Variants in CPED1 observed in about 807,000 individuals in gnomAD.
The protein encoded by CPED1 is cadherin like and PC-esterase domain containing 1, also known as cadherin-like and PC-esterase domain-containing protein 1.
CPED1 carries 114 observed loss-of-function variants against 128.2 expected under a neutral mutation model. That is an observed-to-expected ratio of 0.89 (90% confidence interval 0.76 to 1.04). The LOEUF (loss-of-function observed/expected upper bound fraction) is 1.04. Among genes scored for constraint, CPED1 ranks in the 50% least tolerant of loss-of-function variants. The pLI is 0.00. For missense variants in CPED1, 1,211 were observed against 1,207.1 expected (o/e 1.00, Z -0.05); for synonymous variants, 462 against 426.7 (o/e 1.08, Z -1.02).
chr7:121,282,745 A>G (rs1792487584), intron 22 of CPED1, among the ~76,000 whole-genome samples: 1 of 152,208 alleles, frequency 6.6e-6, no homozygotes, highest in South Asian at 2.1e-4. Context: ...TATTCATAAC[A>G]TGGAAACAAC....
At chr7:121,019,220 G>T (rs1245886018) in intron 3 of CPED1, among the ~76,000 whole-genome samples, 2 of 152,032 alleles carry the variant, frequency 1.3e-5, no homozygotes, top group South Asian at 4.1e-4. Flanking sequence ...AGAAGTTGAT[G>T]TCTCTATTGG....
chr7:121,149,227 G>A (rs1352497639), intron 16 of CPED1, among the ~76,000 whole-genome samples: 1 of 152,168 alleles, frequency 6.6e-6, no homozygotes, highest in African/African-American at 2.4e-5. Flanking sequence ...AGCAGCAGGT[G>A]CACGGAGACA....
At chr7:121,253,381 G>T (rs1034784867) in intron 18 of CPED1, among the ~76,000 whole-genome samples, 1 of 151,642 alleles carries the variant, frequency 6.6e-6, no homozygotes, top group Non-Finnish European at 1.5e-5. Context: ...GTTAATGGGT[G>T]CAGCACACCA....
intron 22 of CPED1, among the ~76,000 whole-genome samples, chr7:121,293,729 A>G (rs1792761663): frequency 1.3e-5 from 2 of 152,066 alleles, no homozygotes; most frequent in South Asian, 4.1e-4. Flanking sequence ...CTCATGGCAC[A>G]GTCTCTCATG....
chr7:121,085,839 T>A (rs1307004039), intron 5 of CPED1, among the ~76,000 whole-genome samples: 4 of 152,188 alleles, frequency 2.6e-5, no homozygotes, highest in Non-Finnish European at 4.4e-5. Flanking sequence ...CATTTCCTAT[T>A]TGGGGGGTTG....
intron 5 of CPED1, among the ~76,000 whole-genome samples, chr7:121,081,380 T>G (rs1031071025): frequency 4.6e-5 from 7 of 152,200 alleles, no homozygotes; most frequent in Non-Finnish European, 1.0e-4. Flanking sequence ...GATGTTTTAC[T>G]CTTTGATGGG....
At chr7:121,189,760 T>TTTTATATATA (rs1472274298) in intron 16 of CPED1, among the ~76,000 whole-genome samples, 116 of 47,458 alleles carry the variant, frequency 2.4e-3, no homozygotes, top group Non-Finnish European at 3.6e-3. Context: ...TTATGAGGTT[T>TTTTATATATA]TATATATATA....
In CPED1 at chr7:121,288,055, T is replaced by C. The variant is rs1437757525; in HGVS notation, c.2869-7385T>C. On this transcript the variant is annotated intron_variant, in intron 22 of 22. Transcript: ENST00000310396. ...ATAATTGTTTGGTAATTTTCTGTAA[T>C]GAAATGTTTCATAATATTGAAACAT... Among the ~76,000 whole-genome samples the C allele has an allele frequency of 3.3e-5, 5 of 152,318 alleles. No homozygotes were observed. In the South Asian group the frequency reaches 1.0e-3, roughly 32 times the overall value.
chr7:121,243,775 G>A (rs1798454453), intron 17 of CPED1, among the ~76,000 whole-genome samples: 1 of 152,158 alleles, frequency 6.6e-6, no homozygotes, highest in Non-Finnish European at 1.5e-5. Context: ...CTTGAGAGCA[G>A]GGAATAGATC....
intron 6 of CPED1, among the ~76,000 whole-genome samples, chr7:121,099,317 A>AATAT (rs1362770630): frequency 6.6e-6 from 1 of 152,012 alleles, no homozygotes; most frequent in Non-Finnish European, 1.5e-5. Flanking sequence ...TTATTTTTTA[A>AATAT]ATTCAACTTT....
At chr7:121,169,305 G>A (rs1796600896) in intron 16 of CPED1, among the ~76,000 whole-genome samples, 1 of 152,088 alleles carries the variant, frequency 6.6e-6, no homozygotes, top group Admixed American at 6.5e-5. Flanking sequence ...TATAAAGAAG[G>A]TAATTGGGAA....
chr7:120,992,764 A>G (rs1796329177), intron 2 of CPED1, among the ~76,000 whole-genome samples: 1 of 152,196 alleles, frequency 6.6e-6, no homozygotes, highest in South Asian at 2.1e-4. Context: ...TAAGTAATAC[A>G]TATTTCCCAG....
chr7:121,178,668 C>G (rs2116491152), intron 16 of CPED1, among the ~76,000 whole-genome samples: 1 of 152,102 alleles, frequency 6.6e-6, no homozygotes, highest in African/African-American at 2.4e-5. Flanking sequence ...CCAAAGCAGT[C>G]AATCATGATG....
At chr7:121,063,362 T>C (rs530295318) in intron 4 of CPED1, among the ~76,000 whole-genome samples, 77 of 101,910 alleles carry the variant, frequency 7.6e-4, no homozygotes, top group Non-Finnish European at 1.1e-3. Context: ...AAATGCTTTA[T>C]TTTGCAAATG....
chr7:121,035,837 A>T (rs556720844), intron 3 of CPED1, among the ~76,000 whole-genome samples: 5 of 61,630 alleles, frequency 8.1e-5, no homozygotes, highest in Admixed American at 2.4e-4. Flanking sequence ...TGTCTTAAAA[A>T]AATAATAATA....
chr7:121,080,667 G>C (rs979026806), intron 5 of CPED1, among the ~76,000 whole-genome samples: 1 of 152,016 alleles, frequency 6.6e-6, no homozygotes, highest in Non-Finnish European at 1.5e-5. Flanking sequence ...ATACTGTACT[G>C]TAATTTGTAT....
intron 15 of CPED1, among the ~76,000 whole-genome samples, chr7:121,141,583 C>A (rs1407741227): frequency 6.6e-6 from 1 of 152,034 alleles, no homozygotes; most frequent in African/African-American, 2.4e-5. Flanking sequence ...CAAGTCAGGA[C>A]AACCCGGGTT....
intron 7 of CPED1, among the ~76,000 whole-genome samples, chr7:121,103,781 C>T (rs146435772): frequency 8.0e-4 from 121 of 152,118 alleles, no homozygotes; most frequent in African/African-American, 2.7e-3. Flanking sequence ...GAGGCAAGCC[C>T]ACTAAACTAG....
intron 3 of CPED1, among the ~76,000 whole-genome samples, chr7:121,038,408 T>A (rs1478289591): frequency 6.6e-6 from 1 of 152,136 alleles, no homozygotes; most frequent in Non-Finnish European, 1.5e-5. Context: ...TGTGGAAGAA[T>A]GCATGTTACA....
Sources: gnomAD v4.1 joint callset for allele counts (sites outside exome capture counted in the v4.1 genomes callset) on GRCh38, gnomAD v4.1.1 for gene constraint, MANE v1.5 for transcripts, NCBI Gene and HGNC (gene_info 2026-07-23, HGNC 2026-07-21) for gene names.